DPY19L3: variants seen among roughly 807,000 people sequenced by gnomAD.
DPY19L3 encodes dpy-19 like C-mannosyltransferase 3.
Under a neutral mutation model 92.3 loss-of-function variants are expected in DPY19L3, and 51 were observed. That is an observed-to-expected ratio of 0.55 (90% CI 0.44 to 0.70). The LOEUF is 0.70. DPY19L3 is among the 30% of genes least tolerant of loss of function. The pLI is 0.00. For synonymous variants in DPY19L3, 309 were observed against 315.2 expected (o/e 0.98, Z 0.21); for missense variants, 706 against 855.9 (o/e 0.82, Z 2.18).
chr19:32,430,624 A>G (rs931283371), intron 3 of DPY19L3, among the ~76,000 whole-genome samples: 2 of 151,828 alleles, frequency 1.3e-5, no homozygotes, highest in Non-Finnish European at 2.9e-5. Context: ...TTATTTATTT[A>G]TTTATTTATT....
In DPY19L3 at chr19:32,464,602, T is replaced by G. The variant is rs748910563; in HGVS notation, c.1558-126T>G. The stretch of plus-strand genomic sequence containing the variant: ...CTATAATCCTAGCTGCTCAGGAGGC[T>G]GAGACAGGAAAATCACTTGAGCCCA... On this transcript the variant is annotated intron_variant, in intron 14 of 18. Transcript: ENST00000392250. The G allele has an allele frequency of 5.5e-6, 3 of 545,138 alleles. No homozygotes were observed. In the East Asian group the frequency reaches 1.1e-4, roughly 20 times the overall value. 33.8% of individuals were successfully genotyped at this position (545,138 alleles called of 1,614,324 possible). A position where few individuals can be genotyped will look rare whatever the true frequency, so the allele number is the denominator to read the frequency against.
intron 10 of DPY19L3, among the ~76,000 whole-genome samples, chr19:32,455,264 T>C (rs1297030623): frequency 6.6e-6 from 1 of 152,170 alleles, no homozygotes; most frequent in Non-Finnish European, 1.5e-5. Flanking sequence ...CTGGCTTCTT[T>C]GAAACTTTTA....
At chr19:32,463,832 T>C in intron 13 of DPY19L3, 37 bp from the exon 14 acceptor site, 1 of 1,532,540 alleles carries the variant, frequency 6.5e-7, no homozygotes, top group Non-Finnish European at 9.0e-7. Context: ...TATATACAAC[T>C]AGTACTTCTG....
intron 3 of DPY19L3, among the ~76,000 whole-genome samples, chr19:32,414,982 G>A (rs569240424): frequency 6.6e-6 from 1 of 152,306 alleles, no homozygotes; most frequent in East Asian, 1.9e-4. Flanking sequence ...CAGAGAACAT[G>A]GAAGGAATAA....
At chr19:32,427,841 C>CTATT (rs1186471346) in intron 3 of DPY19L3, among the ~76,000 whole-genome samples, 1 of 151,932 alleles carries the variant, frequency 6.6e-6, no homozygotes, top group African/African-American at 2.4e-5. Context: ...TTATGGGCTA[C>CTATT]TATTTCTTGG....
intron 3 of DPY19L3, among the ~76,000 whole-genome samples, chr19:32,427,229 A>G (rs1392570298): frequency 6.6e-6 from 1 of 152,172 alleles, no homozygotes; most frequent in African/African-American, 2.4e-5. Flanking sequence ...TCCTGGGCTT[A>G]AGTAATCCAC....
intron 10 of DPY19L3, among the ~76,000 whole-genome samples, chr19:32,456,653 C>G (rs1969875474): frequency 1.3e-5 from 2 of 151,858 alleles, no homozygotes; most frequent in South Asian, 4.2e-4. Context: ...AGGCTGGTCT[C>G]AAACACCTGG....
At chr19:32,478,204 C>T (rs186292924) in intron 17 of DPY19L3, among the ~76,000 whole-genome samples, 92 of 152,300 alleles carry the variant, frequency 6.0e-4, no homozygotes, top group Middle Eastern at 3.4e-3. Flanking sequence ...CCACTAAGGA[C>T]GTGCCATTAG....
chr19:32,459,882 A>T (rs767401129), intron 12 of DPY19L3, among the ~76,000 whole-genome samples: 1 of 152,188 alleles, frequency 6.6e-6, no homozygotes, highest in African/African-American at 2.4e-5. Context: ...AACAAGGGGG[A>T]TATGTTCTGA....
chr19:32,480,894 C>CGGCGA, intron 18 of DPY19L3: 2 of 448,308 alleles, frequency 4.5e-6, no homozygotes, highest in Non-Finnish European at 7.8e-6. Context: ...AGCCTTTAAA[C>CGGCGA]CCACTGCTCC....
At chr19:32,455,408 A>G (rs565738428) in intron 10 of DPY19L3, among the ~76,000 whole-genome samples, 8 of 152,324 alleles carry the variant, frequency 5.3e-5, no homozygotes, top group South Asian at 2.1e-4. Flanking sequence ...ATTAATTTCT[A>G]TGTACTCTTA....
At chr19:32,408,142 C>T (rs992533032) in intron 1 of DPY19L3, 75 bp from the exon 2 acceptor site, 57 of 724,504 alleles carry the variant, frequency 7.9e-5, no homozygotes, top group Non-Finnish European at 1.2e-4. Context: ...TAAGTAAAGG[C>T]ATTTCAGCAT....
At chr19:32,474,568 CTG>C (rs1302965695) in intron 16 of DPY19L3, among the ~76,000 whole-genome samples, 1 of 152,032 alleles carries the variant, frequency 6.6e-6, no homozygotes, top group African/African-American at 2.4e-5. Flanking sequence ...AAGTGTTTGT[CTG>C]TAATGGGAGC....
At position 32,405,782 on chromosome 19, in the gene DPY19L3, C is replaced by T. The variant is rs1212287253; in HGVS notation, c.-165C>T. Reference sequence around the variant, plus strand: ...CCCCCAGCCCCTCATTTCCACAAAGCTCCGCGGCGGTTCTGCCCTCCTTGT... The same window carrying T: ...CCCCCAGCCCCTCATTTCCACAAAGTTCCGCGGCGGTTCTGCCCTCCTTGT... On this transcript the variant is annotated 5_prime_UTR_variant, in exon 1 of 19. Transcript: ENST00000392250. The T allele has an allele frequency of 6.6e-6, 1 of 152,198 alleles. No homozygotes were observed. The highest frequency in any genetic ancestry group is 2.4e-5 in the African/African-American group (1 of 41,460). The allele number at this position is 152,198 out of a possible 1,614,324, so 9.4% of individuals were successfully genotyped here. A position where few individuals can be genotyped will look rare whatever the true frequency, so the allele number is the denominator to read the frequency against.
At chr19:32,446,492 A>G (rs1377978316) in intron 8 of DPY19L3, among the ~76,000 whole-genome samples, 1 of 152,222 alleles carries the variant, frequency 6.6e-6, no homozygotes, top group East Asian at 1.9e-4. Flanking sequence ...AAACACAACA[A>G]TATAGATAAA....
At chr19:32,460,525 G>A (rs1970004425) in intron 12 of DPY19L3, among the ~76,000 whole-genome samples, 1 of 152,224 alleles carries the variant, frequency 6.6e-6, no homozygotes. Flanking sequence ...GTGAGTGAAT[G>A]TGAAGGCCTA....
chr19:32,468,899 T>C, intron 16 of DPY19L3, 86 bp downstream of exon 16: 2 of 1,343,774 alleles, frequency 1.5e-6, no homozygotes, highest in Non-Finnish European at 2.0e-6. Context: ...GGTTTTTTGT[T>C]TGTTTCTGAA....
chr19:32,408,995 G>T (rs2145384803), intron 2 of DPY19L3, among the ~76,000 whole-genome samples: 1 of 152,148 alleles, frequency 6.6e-6, no homozygotes, highest in South Asian at 2.1e-4. Context: ...AACCATTTTG[G>T]ATATCTGACA....
At chr19:32,430,749 C>T (rs1031259842) in intron 3 of DPY19L3, among the ~76,000 whole-genome samples, 2 of 151,710 alleles carry the variant, frequency 1.3e-5, no homozygotes, top group Non-Finnish European at 1.5e-5. Context: ...CTCAACCTCC[C>T]CAGTTGCTGG....
Sources: allele counts gnomAD v4.1 joint callset (sites outside exome capture counted in the v4.1 genomes callset), GRCh38; gene constraint gnomAD v4.1.1; transcripts MANE v1.5; gene names NCBI Gene and HGNC (gene_info 2026-07-23, HGNC 2026-07-21).